Variants in SPON1 observed in about 807,000 individuals in gnomAD.
SPON1 encodes spondin 1.
A neutral mutation model predicts 111.7 loss-of-function variants in SPON1; 52 were observed. The observed-to-expected ratio is 0.47, with a 90% confidence interval of 0.37 to 0.59. The LOEUF is 0.59. Ranked by LOEUF, SPON1 falls within the 20% of genes least tolerant of loss-of-function variation. The pLI, the probability that SPON1 is intolerant of heterozygous loss-of-function variation, is 0.00. For synonymous variants in SPON1, 410 were observed against 395.8 expected (o/e 1.04, Z -0.43); for missense variants, 957 against 1,068.5 (o/e 0.90, Z 1.46).
At chr11:14,029,566 C>T (rs782440744) in intron 2 of SPON1, among the ~76,000 whole-genome samples, 4 of 152,230 alleles carry the variant, frequency 2.6e-5, no homozygotes, top group Middle Eastern at 6.8e-3. Context: ...TATCAGGTTT[C>T]CCGCCTCACA....
At chr11:14,108,104 T>G (rs1849199350) in intron 5 of SPON1, among the ~76,000 whole-genome samples, 3 of 152,204 alleles carry the variant, frequency 2.0e-5, no homozygotes, top group African/African-American at 7.2e-5. Context: ...TACACTGACC[T>G]CCAGTCTCCT....
chr11:14,016,189 C>T (rs567052559), intron 2 of SPON1, among the ~76,000 whole-genome samples: 1 of 152,364 alleles, frequency 6.6e-6, no homozygotes, highest in African/African-American at 2.4e-5. Flanking sequence ...TCCTTTCTTT[C>T]CTTCCTTTCT....
chr11:14,080,250 A>T (rs1423461172), intron 5 of SPON1, among the ~76,000 whole-genome samples: 2 of 148,198 alleles, frequency 1.3e-5, no homozygotes, highest in African/African-American at 5.0e-5. Context: ...TTTTTTTGAG[A>T]TGGAGTCTCG....
Position 14,162,267 on chromosome 11 carries a change from C to G in SPON1, c.825+26699C>G, listed in dbSNP as rs74418530. 7.5e-3 allele frequency among the ~76,000 whole-genome samples: 1,139 copies of G among 152,034 alleles called. 22 individuals are homozygous for G. The highest frequency in any genetic ancestry group is 0.026 in the African/African-American group (1,093 of 41,434). ...TATATGTAGAGAGAGGGGGGAAACA[C>G]TAACCAATGTATATATAGGAATGTC... On this transcript the variant is annotated intron_variant, in intron 6 of 15. Coordinates refer to ENST00000576479, the MANE Select transcript of SPON1 (RefSeq NM_006108.4).
At chr11:14,195,934 G>A (rs1209236396) in intron 6 of SPON1, among the ~76,000 whole-genome samples, 2 of 152,138 alleles carry the variant, frequency 1.3e-5, no homozygotes, top group African/African-American at 4.8e-5. Flanking sequence ...TACATTCTTA[G>A]TGCTTTTAAT....
chr11:14,000,524 G>T (rs1848309100), intron 2 of SPON1, among the ~76,000 whole-genome samples: 1 of 152,162 alleles, frequency 6.6e-6, no homozygotes, highest in Admixed American at 6.5e-5. Flanking sequence ...CATAATAGGT[G>T]TTTAATATAT....
chr11:14,046,859 C>A (rs996480322), intron 3 of SPON1, among the ~76,000 whole-genome samples: 1 of 152,174 alleles, frequency 6.6e-6, no homozygotes, highest in African/African-American at 2.4e-5. Context: ...TTATTTTGGT[C>A]TTTCGTATCC....
chr11:14,250,486 A>G (rs1367868272), intron 7 of SPON1, among the ~76,000 whole-genome samples: 3 of 151,328 alleles, frequency 2.0e-5, no homozygotes, highest in African/African-American at 7.3e-5. Flanking sequence ...TGAAAAGCCT[A>G]TTTTGTATAG....
chr11:14,133,442 G>A (rs1847549606), intron 5 of SPON1, among the ~76,000 whole-genome samples: 1 of 152,218 alleles, frequency 6.6e-6, no homozygotes, highest in Non-Finnish European at 1.5e-5. Flanking sequence ...TTGGCTTGTG[G>A]TGGTCTTGAG....
At chr11:14,030,847 A>G (rs1848553841) in intron 2 of SPON1, among the ~76,000 whole-genome samples, 1 of 152,268 alleles carries the variant, frequency 6.6e-6, no homozygotes, top group African/African-American at 2.4e-5. Context: ...CAGCAATCCC[A>G]TTACTGGGTA....
intron 6 of SPON1, among the ~76,000 whole-genome samples, chr11:14,163,549 C>G (rs569372648): frequency 3.7e-4 from 56 of 152,192 alleles, no homozygotes; most frequent in African/African-American, 1.0e-3. Flanking sequence ...ATTCTCCCCC[C>G]ATACCTGGCA....
intron 6 of SPON1, among the ~76,000 whole-genome samples, chr11:14,151,285 C>A (rs1030042757): frequency 2.3e-4 from 35 of 152,122 alleles, no homozygotes; most frequent in African/African-American, 9.7e-5. Flanking sequence ...CCATAGAAAC[C>A]AAAGCAGTCC....
At chr11:14,151,346 G>T (rs1248142530) in intron 6 of SPON1, among the ~76,000 whole-genome samples, 1 of 152,174 alleles carries the variant, frequency 6.6e-6, no homozygotes. Flanking sequence ...GGGTGGACCT[G>T]CAAAGAAAGG....
At chr11:14,231,493 A>G (rs1217340835) in intron 6 of SPON1, among the ~76,000 whole-genome samples, 1 of 152,112 alleles carries the variant, frequency 6.6e-6, no homozygotes, top group Non-Finnish European at 1.5e-5. Context: ...AAGATATATA[A>G]TAAGGTTACA....
chr11:14,226,574 T>C (rs1471291457), intron 6 of SPON1, among the ~76,000 whole-genome samples: 1 of 152,220 alleles, frequency 6.6e-6, no homozygotes, highest in Non-Finnish European at 1.5e-5. Context: ...ACTGAATGCA[T>C]ATAGCTTTCA....
intron 1 of SPON1, among the ~76,000 whole-genome samples, chr11:13,974,369 G>C (rs1848086365): frequency 6.6e-6 from 1 of 152,184 alleles, no homozygotes; most frequent in Admixed American, 6.5e-5. Flanking sequence ...TTCTCATTGA[G>C]GTTGGAGTTC....
intron 5 of SPON1, among the ~76,000 whole-genome samples, chr11:14,108,745 T>C (rs1849203993): frequency 6.6e-6 from 1 of 152,142 alleles, no homozygotes; most frequent in Non-Finnish European, 1.5e-5. Context: ...TAAGTTAGTA[T>C]TTGATGACCT....
At chr11:14,191,257 G>A (rs1848345113) in intron 6 of SPON1, among the ~76,000 whole-genome samples, 1 of 152,200 alleles carries the variant, frequency 6.6e-6, no homozygotes, top group African/African-American at 2.4e-5. Context: ...GTGATGGAAG[G>A]TGGACCAATG....
At chr11:14,015,281 C>A (rs1478665538) in intron 2 of SPON1, among the ~76,000 whole-genome samples, 1 of 152,188 alleles carries the variant, frequency 6.6e-6, no homozygotes, top group African/African-American at 2.4e-5. Flanking sequence ...AGTTTAGTGT[C>A]TGGTGAGGAC....
Sources: allele counts gnomAD v4.1 joint callset (sites outside exome capture counted in the v4.1 genomes callset), GRCh38; gene constraint gnomAD v4.1.1; transcripts MANE v1.5; gene names NCBI Gene and HGNC (gene_info 2026-07-23, HGNC 2026-07-21).